PLCB2: variants seen among roughly 807,000 people sequenced by gnomAD.
PLCB2 encodes the protein phospholipase C beta 2, also known as 1-phosphatidylinositol 4,5-bisphosphate phosphodiesterase beta-2.
Under a neutral mutation model 141.7 loss-of-function variants are expected in PLCB2, and 115 were observed. That is an observed-to-expected ratio of 0.81 (90% confidence interval 0.70 to 0.95). The LOEUF (loss-of-function observed/expected upper bound fraction) is 0.95, where lower values mean the gene tolerates loss of function less well. Among genes scored for constraint, PLCB2 ranks in the 40% least tolerant of loss-of-function variants. The pLI is 0.00. For synonymous variants in PLCB2, 603 were observed against 595.6 expected (o/e 1.01, Z -0.18); for missense variants, 1,403 against 1,541.1 (o/e 0.91, Z 1.50).
chr15:40,298,025 T>C, intron 11 of PLCB2, 66 bp from the exon 12 acceptor site: 1 of 1,289,328 alleles, frequency 7.8e-7, no homozygotes, highest in African/African-American at 1.5e-5. Flanking sequence ...GTGATAGCAC[T>C]TTTCCCCCCT....
rs961100577 is a variant in PLCB2 at position 40,288,343 on chromosome 15, C to G, written c.*372G>C. 13 of 1,015,082 alleles carry G rather than the reference C, an allele frequency of 1.3e-5. No individual in the cohort carries two copies. The highest frequency in any genetic ancestry group is 1.5e-5 in the Non-Finnish European group (13 of 849,440). The allele number at this position is 1,015,082 out of a possible 1,614,324, so 62.9% of individuals were successfully genotyped here. On this transcript the variant is annotated 3_prime_UTR_variant, in exon 32 of 32. Transcript: ENST00000260402. ...AGTGGAGGTGAGTGGGTCCAACCCT[C>G]CAGGTGAGGAAACTGAGCCCAGAGC... is the stretch of plus-strand genomic sequence containing the variant.
chr15:40,287,700 G>A (rs2039638216), downstream of PLCB2, among the ~76,000 whole-genome samples: 1 of 152,146 alleles, frequency 6.6e-6, no homozygotes, highest in South Asian at 2.1e-4. Context: ...TAATTTTCCA[G>A]TGATTGTGGC....
At chr15:40,305,408 G>A (rs1014630289) in intron 1 of PLCB2, among the ~76,000 whole-genome samples, 2 of 152,140 alleles carry the variant, frequency 1.3e-5, no homozygotes, top group South Asian at 2.1e-4. Flanking sequence ...GACAGAGGTC[G>A]GACTCCTGCC....
At chr15:40,299,053 C>T (rs751651496) in intron 8 of PLCB2, 75 bp downstream of exon 8, 31 of 1,572,576 alleles carry the variant, frequency 2.0e-5, no homozygotes, top group Admixed American at 6.7e-5. Context: ...TCCTGACTCC[C>T]GGCATGGCAG....
At chr15:40,296,953 G>A (rs1021524252) in intron 13 of PLCB2, 45 bp from the exon 14 acceptor site, 1 of 1,602,002 alleles carries the variant, frequency 6.2e-7, no homozygotes, top group South Asian at 1.1e-5. Context: ...CACCTTCATG[G>A]CATAGCCTGA....
chr15:40,298,825 C>T lies in PLCB2; in HGVS notation c.823G>A (p.Glu275Lys), dbSNP rs1421042186. The change falls in exon 9 of 32, where the codon GAG (glutamate) becomes AAG (lysine). Residue 275 changes from glutamate (E) to lysine (K), a missense_variant. By Grantham distance (56) the Glu-to-Lys change is moderately conservative (BLOSUM62 1). Around this residue, in one of 4 missense-constraint regions of PLCB2, gnomAD observed 975 missense variants for 1,141.1 expected, o/e 0.85. Coordinates refer to ENST00000260402, the MANE Select transcript of PLCB2 (RefSeq NM_004573.3). ...DQVQGLIDKY[E>K]PSGINAQRGQ... ...CTCTGTGCATTGATGCCACTGGGCT[C>T]ATACTTGTCGATGAGGCCCTGCACC... 6 of 1,613,794 alleles carry T rather than the reference C, an allele frequency of 3.7e-6. No individual in the cohort carries two copies. The highest frequency in any genetic ancestry group is 2.7e-5 in the African/African-American group (2 of 75,058).
intron 3 of PLCB2, among the ~76,000 whole-genome samples, chr15:40,302,915 C>T (rs1017565231): frequency 6.6e-6 from 1 of 152,224 alleles, no homozygotes; most frequent in Non-Finnish European, 1.5e-5. Flanking sequence ...TCTCAGGAAA[C>T]CCCGCTTCCC....
chr15:40,306,048 T>C (rs1430228862), intron 1 of PLCB2, among the ~76,000 whole-genome samples: 1 of 152,222 alleles, frequency 6.6e-6, no homozygotes, highest in Non-Finnish European at 1.5e-5. Context: ...GTAAATATAA[T>C]GTCTTGTGGC....
In PLCB2 at chr15:40,291,337, T is replaced by C; in HGVS notation, c.2798A>G (p.Glu933Gly). 8 of 1,529,006 alleles carry C rather than the reference T, an allele frequency of 5.2e-6. No homozygotes were observed. The highest frequency in any genetic ancestry group is 7.0e-6 in the Non-Finnish European group (8 of 1,145,344). 94.7% of individuals were successfully genotyped at this position (1,529,006 alleles called of 1,614,324 possible). A position where few individuals can be genotyped will look rare whatever the true frequency, so the allele number is the denominator to read the frequency against. The change falls in exon 26 of 32, where the codon GAG becomes GGG. Residue 933 changes from glutamate to glycine, a missense_variant. By Grantham distance (98) the Glu-to-Gly change is moderately conservative. Coordinates refer to ENST00000260402, the MANE Select transcript of PLCB2 (RefSeq NM_004573.3). ...GCCCCCCACGCCCGGTGGCCCGAGC[T>C]CCGCCAGCTGCGCCGCGCCCCGCTG... ...LLQRGAAQLA[E>G]LGPPGVGGVG...
chr15:40,284,305 T>G (rs2039578573), downstream of PLCB2: 3 of 328,622 alleles, frequency 9.1e-6, no homozygotes, highest in Non-Finnish European at 1.8e-5. Context: ...CACATTTTGT[T>G]GCCGGCAGCG....
intron 24 of PLCB2, 26 bp downstream of exon 24, chr15:40,291,823 G>A: frequency 6.2e-7 from 1 of 1,613,982 alleles, no homozygotes; most frequent in Non-Finnish European, 8.5e-7. Flanking sequence ...GGTGCCCCCA[G>A]TAGGTGTGCG....
At chr15:40,286,170 G>A (rs2039607064), downstream of PLCB2, 1 of 400,402 alleles carries the variant, frequency 2.5e-6, no homozygotes, top group Non-Finnish European at 3.4e-6. Flanking sequence ...TGTCGCTTAG[G>A]GAGCTGAAGG....
downstream of PLCB2, chr15:40,285,428 A>T: frequency 1.4e-6 from 1 of 712,574 alleles, no homozygotes; most frequent in Non-Finnish European, 1.7e-6. Flanking sequence ...CCTGCTTTAC[A>T]CAAGAACAAG....
chr15:40,292,894 A>C (rs982930689), intron 21 of PLCB2, 32 bp downstream of exon 21: 12 of 1,413,658 alleles, frequency 8.5e-6, no homozygotes, highest in Non-Finnish European at 1.2e-5. Flanking sequence ...CCTGCTGCTG[A>C]TCTTGGAACA....
chr15:40,286,671 A>C (rs1025830360), downstream of PLCB2, among the ~76,000 whole-genome samples: 2 of 152,174 alleles, frequency 1.3e-5, no homozygotes, highest in Non-Finnish European at 2.9e-5. Context: ...CCAGTACCCC[A>C]AGGGAAGGCG....
At chr15:40,290,958 G>A (rs1302445356) in intron 27 of PLCB2, 60 bp downstream of exon 27, 1 of 1,358,538 alleles carries the variant, frequency 7.4e-7, no homozygotes, top group Non-Finnish European at 9.8e-7. Flanking sequence ...GGCGAATGGG[G>A]TCCATGGGGG....
At position 40,297,047 on chromosome 15, in the gene PLCB2, A is replaced by C; in HGVS notation, c.1324-139T>G. Reference sequence around the variant, plus strand: ...ACTACTGCTTATCATCCCCATTCTCACTGAGATAAATCCAGCTTATCCCTT... The same window carrying C: ...ACTACTGCTTATCATCCCCATTCTCCCTGAGATAAATCCAGCTTATCCCTT... On this transcript the variant is annotated intron_variant, in intron 13 of 31. Coordinates refer to ENST00000260402, the MANE Select transcript of PLCB2 (RefSeq NM_004573.3). The surrounding 1 kb of genome is among the most constrained non-coding windows in gnomAD (Gnocchi z 4.2). 2 of 808,314 alleles carry C rather than the reference A, an allele frequency of 2.5e-6. No homozygotes were observed. Among genetic ancestry groups the C allele is most frequent in the Non-Finnish European group, 4.1e-6 (2 of 487,988 alleles). The allele number at this position is 808,314 out of a possible 1,614,324, so 50.1% of individuals were successfully genotyped here.
At chr15:40,306,903 G>C (rs1437420444) in intron 1 of PLCB2, among the ~76,000 whole-genome samples, 2 of 152,238 alleles carry the variant, frequency 1.3e-5, no homozygotes, top group East Asian at 3.8e-4. Context: ...AGGAGAACCA[G>C]AGCCTGGGAG....
chr15:40,299,080 G>A, intron 8 of PLCB2, 48 bp downstream of exon 8: 1 of 1,567,206 alleles, frequency 6.4e-7, no homozygotes, highest in South Asian at 1.1e-5. Context: ...GGAGGGGATT[G>A]TTAGCCACCA....
Sources: allele counts gnomAD v4.1 joint callset (sites outside exome capture counted in the v4.1 genomes callset), GRCh38; gene constraint gnomAD v4.1.1; regional missense constraint gnomAD v4.1.1; non-coding constraint Gnocchi (gnomAD v3.1); transcripts MANE v1.5; gene names NCBI Gene and HGNC (gene_info 2026-07-23, HGNC 2026-07-21).